Variants in SLC39A1 observed in about 807,000 individuals in gnomAD.
SLC39A1 encodes the protein solute carrier family 39 member 1, also known as zinc transporter ZIP1.
Under a neutral mutation model 21.4 loss-of-function variants are expected in SLC39A1, and 17 were observed. The observed-to-expected ratio is 0.79, with a 90% CI of 0.54 to 1.19. The LOEUF is 1.19. Among genes scored for constraint, SLC39A1 ranks in the 50% most tolerant of loss-of-function variants. SLC39A1 has a pLI of 0.00. For synonymous variants in SLC39A1, 183 were observed against 185.9 expected (o/e 0.98, Z 0.13); for missense variants, 343 against 399.8 (o/e 0.86, Z 1.21).
upstream of SLC39A1, chr1:153,964,560 AG>A (rs1346474814): frequency 6.6e-6 from 1 of 152,180 alleles, no homozygotes; most frequent in Non-Finnish European, 1.5e-5. Flanking sequence ...ATTTTAAAAA[AG>A]AAAAAAAAAA....
rs1254104650 is a variant in SLC39A1 at position 153,962,678 on chromosome 1, C to T, written c.38G>A (p.Arg13His). The T allele has an allele frequency of 3.7e-6, 6 of 1,608,748 alleles. No individual in the cohort carries two copies. Among genetic ancestry groups the T allele is most frequent in the South Asian group, 2.2e-5 (2 of 90,156 alleles). Residue 13 changes from arginine (R) to histidine (H), a missense_variant, in exon 2 of 4, where the codon CGC (arginine) becomes CAC (histidine). Arg to His is a conservative substitution (Grantham distance 29, BLOSUM62 0). Transcript: ENST00000356205. ...AGGCTCTGAAGCTACCGCCTCGGGG[C>T]GCCACACCAGGAGCTCTGGCTCTCC... is the stretch of plus-strand genomic sequence containing the variant. The part of the protein sequence containing the change: ...PWGEPELLVW[R>H]PEAVASEPPV...
At position 153,960,631 on chromosome 1, in the gene SLC39A1, G is replaced by A. The variant is rs138028716; in HGVS notation, c.442C>T (p.Leu148=). 6.2e-7 allele frequency: 1 copy of A among 1,614,136 alleles called. No homozygotes were observed. Among genetic ancestry groups the A allele is most frequent in the Non-Finnish European group, 8.5e-7 (1 of 1,180,062 alleles). ...GGCCCACCATTCACTGTTCCCAGCA[G>A]AGCCCTTGTTTCCTCCAGAGGTGAC... ...GPSPLEETRA[L]LGTVNGGPQH... is the part of the protein sequence containing the mutation. The change falls in exon 4 of 4, where the codon CTG becomes TTG. Residue 148 remains leucine (L), a synonymous_variant. Coordinates refer to ENST00000356205, the MANE Select transcript of SLC39A1 (RefSeq NM_001271958.2).
chr1:153,962,353 G>A lies in SLC39A1; in HGVS notation c.188-3C>T, dbSNP rs1168417228. 6.2e-7 allele frequency: 1 copy of A among 1,613,846 alleles called. No homozygotes were observed. The highest frequency in any genetic ancestry group is 1.1e-5 in the South Asian group (1 of 91,068). ...GCTCAGGGCTTTCTGGCGGGAAGCT[G>A]GGTAGGGGTGAAGCACAGAGGGGAA... On this transcript the variant is annotated splice_polypyrimidine_tract_variant and splice_region_variant and intron_variant, in intron 2 of 3. Transcript: ENST00000356205.
At chr1:153,963,646 A>T (rs1296032319), upstream of SLC39A1, 2 of 152,236 alleles carry the variant, frequency 1.3e-5, no homozygotes, top group East Asian at 3.9e-4. Context: ...ACAGACCGGG[A>T]GTGACGTCAG....
chr1:153,962,221 G>A lies in SLC39A1; in HGVS notation c.317C>T (p.Thr106Met), dbSNP rs565880662. ...IDEALAALHVTLQFPLQEFIL... is the reference protein window; with the variant it reads ...IDEALAALHVMLQFPLQEFIL... Reference sequence around the variant, plus strand: ...TCACATGCCCAGGCCAGTGCTCACCGTCACGTGCAAGGCTGCCAGGGCCTC... The same window carrying A: ...TCACATGCCCAGGCCAGTGCTCACCATCACGTGCAAGGCTGCCAGGGCCTC... Residue 106 changes from threonine (T) to methionine (M), a missense_variant and splice_region_variant, in exon 3 of 4, where the codon ACG (threonine) becomes ATG (methionine). By Grantham distance (81) the Thr-to-Met change is moderately conservative. Transcript: ENST00000356205. The A allele has an allele frequency of 4.5e-5, 72 of 1,613,708 alleles. No homozygotes were observed. Among genetic ancestry groups the A allele is most frequent in the Non-Finnish European group, 5.7e-5 (67 of 1,179,846 alleles).
Position 153,959,604 on chromosome 1 carries a change from T to C in SLC39A1, c.*494A>G. The C allele has an allele frequency of 3.6e-6, 1 of 275,394 alleles. No homozygotes were observed. The highest frequency in any genetic ancestry group is 6.1e-5 in the East Asian group (1 of 16,374). 17.1% of individuals were successfully genotyped at this position (275,394 alleles called of 1,614,324 possible). ...GCAGGGAGAGACCATTTGGCGCCAGTCCCCTAGGAGATGGGAGGAGGGAGA... is the reference window on the plus strand; with the variant it reads ...GCAGGGAGAGACCATTTGGCGCCAGCCCCCTAGGAGATGGGAGGAGGGAGA... On this transcript the variant is annotated 3_prime_UTR_variant, in exon 4 of 4. Transcript: ENST00000356205.
chr1:153,961,556 T>A (rs1647436730), intron 3 of SLC39A1, among the ~76,000 whole-genome samples: 1 of 152,068 alleles, frequency 6.6e-6, no homozygotes, highest in Non-Finnish European at 1.5e-5. Flanking sequence ...ATTGCCCATC[T>A]CCCCAAATAC....
upstream of SLC39A1, chr1:153,967,661 G>C (rs1184966060): frequency 9.8e-6 from 1 of 102,166 alleles, no homozygotes; most frequent in Non-Finnish European, 1.9e-5. Flanking sequence ...CCAAAAATAA[G>C]AATAAAGAAA....
upstream of SLC39A1, chr1:153,967,052 TA>T (rs1240351432): frequency 2.6e-5 from 4 of 152,272 alleles, no homozygotes; most frequent in African/African-American, 9.6e-5. Flanking sequence ...GAACAATTTT[TA>T]TGAAAACGTT....
upstream of SLC39A1, among the ~76,000 whole-genome samples, chr1:153,966,154 C>T (rs1457623994): frequency 6.6e-6 from 1 of 152,174 alleles, no homozygotes; most frequent in African/African-American, 2.4e-5. Flanking sequence ...GCTTTGCTTT[C>T]CTTGGAGCTC....
chr1:153,960,945 G>A (rs1213724267), intron 3 of SLC39A1, among the ~76,000 whole-genome samples, 191 bp from the exon 4 acceptor site: 1 of 152,220 alleles, frequency 6.6e-6, no homozygotes, highest in Non-Finnish European at 1.5e-5. Context: ...CACTCACAGT[G>A]TTACGTGTAG....
In SLC39A1 at chr1:153,962,209, C is replaced by G. The variant is rs377183507; in HGVS notation, c.318+11G>C. 6.2e-7 allele frequency: 1 copy of G among 1,613,034 alleles called. No individual in the cohort carries two copies. Among genetic ancestry groups the G allele is most frequent in the Non-Finnish European group, 8.5e-7 (1 of 1,179,380 alleles). ...CCCTCCCGCAAGTCACATGCCCAGG[C>G]CAGTGCTCACCGTCACGTGCAAGGC... is the stretch of plus-strand genomic sequence containing the variant. On this transcript the variant is annotated intron_variant, in intron 3 of 3. Coordinates refer to ENST00000356205, the MANE Select transcript of SLC39A1 (RefSeq NM_001271958.2).
Position 153,960,314 on chromosome 1 carries a change from G to A in SLC39A1, c.759C>T (p.Gly253=). 1 of 1,614,048 alleles carries A rather than the reference G, an allele frequency of 6.2e-7. No homozygotes were observed. The highest frequency in any genetic ancestry group is 1.1e-5 in the South Asian group (1 of 91,088). Residue 253 remains glycine, a synonymous_variant, in exon 4 of 4, where the codon GGC becomes GGT. Transcript: ENST00000356205. ...GILFSCMTPL[G]IGLGAALAES... The stretch of plus-strand genomic sequence containing the variant: ...CTGCCAGAGCTGCACCCAGCCCGAT[G>A]CCTAGAGGTGTCATGCATGAGAAGA...
At chr1:153,965,083 A>G (rs1348706669), upstream of SLC39A1, 7 of 152,148 alleles carry the variant, frequency 4.6e-5, no homozygotes, top group African/African-American at 1.7e-4. Flanking sequence ...CATATGTCAT[A>G]TATGATTAAT....
chr1:153,962,099 C>G, intron 3 of SLC39A1, 121 bp downstream of exon 3: 1 of 1,416,094 alleles, frequency 7.1e-7, no homozygotes, highest in Admixed American at 2.3e-5. Flanking sequence ...ACAATTCATA[C>G]CACATGCCAA....
chr1:153,962,292 G>A lies in SLC39A1; in HGVS notation c.246C>T (p.Ala82=), dbSNP rs1647503965. The A allele has an allele frequency of 1.2e-6, 2 of 1,614,134 alleles. No individual in the cohort carries two copies. The highest frequency in any genetic ancestry group is 1.7e-6 in the Non-Finnish European group (2 of 1,180,014). The change falls in exon 3 of 4, where the codon GCC becomes GCT. Residue 82 remains alanine, a synonymous_variant. Transcript: ENST00000356205. ...VSCFAGGVFL[A]TCLLDLLPDY... ...CAGGCAGCAGGTCCAGGAGACAAGTGGCCAAAAAGACGCCCCCCGCGAAAC... is the reference window on the plus strand; with the variant it reads ...CAGGCAGCAGGTCCAGGAGACAAGTAGCCAAAAAGACGCCCCCCGCGAAAC...
rs544828505 is a variant in SLC39A1, at chr1:153,962,516, A to T, written c.187+13T>A. 1.9e-6 allele frequency: 3 copies of T among 1,606,586 alleles called. No homozygotes were observed. In the South Asian group the frequency reaches 3.3e-5, roughly 18 times the overall value. On this transcript the variant is annotated intron_variant, in intron 2 of 3. Transcript: ENST00000356205. ...AAGCATTCATAGCAGTGTGGGGAAA[A>T]GGAGAGGCTTACCTGAGCCTTCATG...
At position 153,960,701 on chromosome 1, in the gene SLC39A1, C is replaced by T. The variant is rs1647355340; in HGVS notation, c.372G>A (p.Leu124=). ...AAGCCAGTGTGATCTGCTCCATCACCAGGACCAGGAAGAAGCCCATGGCCA... is the reference window on the plus strand; with the variant it reads ...AAGCCAGTGTGATCTGCTCCATCACTAGGACCAGGAAGAAGCCCATGGCCA... The part of the protein sequence containing the change: ...FILAMGFFLV[L]VMEQITLAYK... The change falls in exon 4 of 4, where the codon CTG becomes CTA. Residue 124 remains leucine (L), a synonymous_variant. Coordinates refer to ENST00000356205, the MANE Select transcript of SLC39A1 (RefSeq NM_001271958.2). 1 of 1,613,634 alleles carries T rather than the reference C, an allele frequency of 6.2e-7. No individual in the cohort carries two copies. Among genetic ancestry groups the T allele is most frequent in the Non-Finnish European group, 8.5e-7 (1 of 1,180,036 alleles).
Position 153,960,739 on chromosome 1 carries a change from G to C in SLC39A1, c.334C>G (p.Gln112Glu), listed in dbSNP as rs747188561. The change falls in exon 4 of 4, where the codon CAA becomes GAA. Residue 112 changes from glutamine to glutamate, a missense_variant. By Grantham distance (29) the Gln-to-Glu change is conservative. Coordinates refer to ENST00000356205, the MANE Select transcript of SLC39A1 (RefSeq NM_001271958.2). ...AAGCCCATGGCCAGGATGAACTCTT[G>C]CAGTGGGAACTGGAGCTGTGGGCAG... ...ALHVTLQFPL[Q>E]EFILAMGFFL... 1.9e-6 allele frequency: 3 copies of C among 1,609,140 alleles called. No homozygotes were observed. The highest frequency in any genetic ancestry group is 1.7e-6 in the Non-Finnish European group (2 of 1,178,978).
Sources: allele counts gnomAD v4.1 joint callset (sites outside exome capture counted in the v4.1 genomes callset), GRCh38; gene constraint gnomAD v4.1.1; transcripts MANE v1.5; gene names NCBI Gene and HGNC (gene_info 2026-07-23, HGNC 2026-07-21).